SLC36A1: variants seen among roughly 807,000 people sequenced by gnomAD.
The protein encoded by SLC36A1 is solute carrier family 36 member 1, also known as proton-coupled amino acid transporter 1.
A neutral mutation model predicts 47.5 loss-of-function variants in SLC36A1; 30 were observed. The ratio of observed to expected loss-of-function variants is 0.63; its 90% confidence interval spans 0.47 to 0.86. The LOEUF (loss-of-function observed/expected upper bound fraction) is 0.86. SLC36A1 is among the 40% of genes least tolerant of loss of function. The pLI is 0.00. For missense variants in SLC36A1, 517 were observed against 606.0 expected (o/e 0.85, Z 1.54); for synonymous variants, 255 against 249.7 (o/e 1.02, Z -0.20).
At chr5:151,496,407 T>C (rs1760343893), downstream of SLC36A1, among the ~76,000 whole-genome samples, 1 of 152,230 alleles carries the variant, frequency 6.6e-6, no homozygotes, top group Non-Finnish European at 1.5e-5. Flanking sequence ...AACAGACTAG[T>C]ACGTATGGTA....
the SLC36A1 span, among the ~76,000 whole-genome samples, chr5:151,351,014 C>A: frequency 6.6e-6 from 1 of 152,172 alleles, no homozygotes; most frequent in Non-Finnish European, 1.5e-5. Context: ...GGCCACCACT[C>A]TGTGCTTTGG....
At chr5:151,487,804 C>T (rs887073414) in intron 10 of SLC36A1, among the ~76,000 whole-genome samples, 179 bp from the exon 11 acceptor site, 4 of 152,176 alleles carry the variant, frequency 2.6e-5, no homozygotes, top group African/African-American at 7.2e-5. Flanking sequence ...TGCAGTGGGA[C>T]GCCAGTTATT....
the SLC36A1 span, among the ~76,000 whole-genome samples, chr5:151,362,682 A>G: frequency 6.6e-6 from 1 of 152,092 alleles, no homozygotes; most frequent in African/African-American, 2.4e-5. Flanking sequence ...TGAGGCACAG[A>G]GCCCAGCCCC....
At chr5:151,521,915 G>C in the SLC36A1 span, 44 of 1,613,902 alleles carry the variant, frequency 2.7e-5, no homozygotes, top group Admixed American at 3.2e-4. Context: ...GTGTCCTGGG[G>C]GTCTCGGTCT....
the SLC36A1 span, among the ~76,000 whole-genome samples, chr5:151,427,250 A>G: frequency 1.3e-5 from 2 of 152,240 alleles, no homozygotes; most frequent in African/African-American, 4.8e-5. Flanking sequence ...TATTACACAT[A>G]CACATATACA....
the SLC36A1 span, among the ~76,000 whole-genome samples, chr5:151,414,521 T>C: frequency 6.6e-6 from 1 of 152,174 alleles, no homozygotes; most frequent in African/African-American, 2.4e-5. Flanking sequence ...TGAAAAAATA[T>C]CCTGTTTCAT....
chr5:151,380,701 G>A, the SLC36A1 span: 6 of 550,036 alleles, frequency 1.1e-5, no homozygotes, highest in South Asian at 5.5e-5. Flanking sequence ...AACTCAGATC[G>A]GAGACCTCTA....
At chr5:151,406,377 C>G in the SLC36A1 span, 1 of 152,256 alleles carries the variant, frequency 6.6e-6, no homozygotes, top group African/African-American at 2.4e-5. Context: ...CTGTCAGGCT[C>G]CAGAGCCAGT....
At chr5:151,522,275 C>T in the SLC36A1 span, 4 of 557,490 alleles carry the variant, frequency 7.2e-6, no homozygotes, top group East Asian at 1.1e-4. Context: ...GAAAGATTTT[C>T]TGAAGGTTTT....
At chr5:151,443,062 A>G (rs748839690), upstream of SLC36A1, among the ~76,000 whole-genome samples, 6 of 152,120 alleles carry the variant, frequency 3.9e-5, no homozygotes, top group East Asian at 1.9e-4. Context: ...GATTGTTTCT[A>G]TATCTTGGCT....
At chr5:151,499,626 C>CAT in the SLC36A1 span, among the ~76,000 whole-genome samples, 2 of 152,316 alleles carry the variant, frequency 1.3e-5, no homozygotes, top group South Asian at 4.1e-4. Flanking sequence ...GCCCAGTCCT[C>CAT]ATGCCTGCCT....
the SLC36A1 span, chr5:151,529,107 G>T: frequency 7.8e-7 from 1 of 1,286,432 alleles, no homozygotes; most frequent in Non-Finnish European, 1.1e-6. Flanking sequence ...ATAGATGGCT[G>T]GGTGTGGGGG....
chr5:151,391,362 C>T, the SLC36A1 span, among the ~76,000 whole-genome samples: 2 of 152,062 alleles, frequency 1.3e-5, no homozygotes, highest in Non-Finnish European at 1.5e-5. Context: ...GACAATTTGA[C>T]TTCCTCTTTT....
At chr5:151,473,546 A>T in intron 7 of SLC36A1, 127 bp from the exon 8 acceptor site, 1 of 660,150 alleles carries the variant, frequency 1.5e-6, no homozygotes. Context: ...GTCAGGTATT[A>T]GACTTTCTTC....
chr5:151,403,282 T>G, the SLC36A1 span, among the ~76,000 whole-genome samples: 2 of 152,318 alleles, frequency 1.3e-5, no homozygotes, highest in South Asian at 4.1e-4. Flanking sequence ...GGTTTGGATT[T>G]GTGTCCCCAC....
upstream of SLC36A1, among the ~76,000 whole-genome samples, chr5:151,443,053 A>C (rs1752715319): frequency 6.6e-6 from 1 of 152,004 alleles, no homozygotes; most frequent in African/African-American, 2.4e-5. Flanking sequence ...AGACACTTGG[A>C]TTGTTTCTAT....
At chr5:151,442,956 T>A (rs555314306), upstream of SLC36A1, among the ~76,000 whole-genome samples, 7 of 152,226 alleles carry the variant, frequency 4.6e-5, no homozygotes, top group African/African-American at 7.2e-5. Context: ...GTTTCATCCA[T>A]GTTGTGGCAA....
At chr5:151,374,175 G>A in the SLC36A1 span, among the ~76,000 whole-genome samples, 5 of 152,150 alleles carry the variant, frequency 3.3e-5, no homozygotes, top group Admixed American at 1.3e-4. Flanking sequence ...CAGAAGACAC[G>A]TACCCCTGAA....
At chr5:151,517,849 G>T in the SLC36A1 span, 1 of 1,511,090 alleles carries the variant, frequency 6.6e-7, no homozygotes. Flanking sequence ...TTTAATCCTT[G>T]GGTGGCAGAC....
Sources: allele counts gnomAD v4.1 joint callset (sites outside exome capture counted in the v4.1 genomes callset), GRCh38; gene constraint gnomAD v4.1.1; transcripts MANE v1.5; gene names NCBI Gene and HGNC (gene_info 2026-07-23, HGNC 2026-07-21).